PODXL: variants seen among roughly 807,000 people sequenced by gnomAD.
PODXL encodes podocalyxin.
A neutral mutation model predicts 48.9 loss-of-function variants in PODXL; 20 were observed. The ratio of observed to expected loss-of-function variants is 0.41; its 90% CI spans 0.29 to 0.59. The LOEUF is 0.59. Among genes scored for constraint, PODXL ranks in the 20% least tolerant of loss-of-function variants. The probability of loss-of-function intolerance (pLI) is 0.31; values close to 1 mark genes in which losing one functional copy is unlikely to be tolerated. For missense variants in PODXL, 606 were observed against 675.1 expected, an observed-to-expected ratio of 0.90 and a Z score of 1.13; for synonymous variants, 295 against 287.4, an observed-to-expected ratio of 1.03 and a Z score of -0.27.
chr7:131,510,822 A>T lies in PODXL; in HGVS notation c.706+6T>A. On this transcript the variant is annotated splice_donor_region_variant and intron_variant, in intron 2 of 8. Transcript: ENST00000378555. ...TGGTGCTTGAAGAAAACCAGGCATTACTTACGTAGGGTGGTGGTCATCCCC... is the reference window on the plus strand; with the variant it reads ...TGGTGCTTGAAGAAAACCAGGCATTTCTTACGTAGGGTGGTGGTCATCCCC... 1 of 1,614,048 alleles carries T rather than the reference A, an allele frequency of 6.2e-7. No individual in the cohort carries two copies. Among genetic ancestry groups the T allele is most frequent in the African/African-American group, 1.3e-5 (1 of 75,018 alleles).
chr7:131,520,322 A>C (rs1798071827), intron 1 of PODXL: 1 of 531,872 alleles, frequency 1.9e-6, no homozygotes, highest in Non-Finnish European at 3.7e-6. Context: ...AGATGTGCGC[A>C]TTGATACCAG....
rs982023652 is a variant in PODXL, at chr7:131,524,944, T to C, written c.101-13511A>G. Among the ~76,000 whole-genome samples the C allele has an allele frequency of 3.9e-5, 6 of 152,110 alleles. 1 individual carries two copies. The highest frequency in any genetic ancestry group is 3.9e-4 in the Admixed American group (6 of 15,272). On this transcript the variant is annotated intron_variant, in intron 1 of 8. Coordinates refer to ENST00000378555, the MANE Select transcript of PODXL (RefSeq NM_001018111.3). ...CTAGTGATTCATGTGACAATATAGA[T>C]AAGACTTAAATACATTTTGCTAAGT...
At chr7:131,510,213 C>T (rs1224242605) in intron 3 of PODXL, 23 bp downstream of exon 3, 5 of 446,750 alleles carry the variant, frequency 1.1e-5, no homozygotes, top group Non-Finnish European at 2.2e-5. Context: ...AAACAGGTAT[C>T]GGCCGGGCAT....
intron 1 of PODXL, among the ~76,000 whole-genome samples, chr7:131,514,657 G>C (rs1392845137): frequency 6.6e-6 from 1 of 151,998 alleles, no homozygotes; most frequent in Admixed American, 6.6e-5. Context: ...GCCCAAGCTG[G>C]AGTACAGTGG....
At chr7:131,504,586 C>T (rs2116774141) in intron 8 of PODXL, 78 bp from the exon 9 acceptor site, 2 of 1,192,614 alleles carry the variant, frequency 1.7e-6, no homozygotes, top group South Asian at 2.6e-5. Context: ...ACGTACCCCT[C>T]CCACTCAGGA....
Position 131,556,514 on chromosome 7 carries a change from G to T in PODXL, c.-155C>A. On this transcript the variant is annotated 5_prime_UTR_variant, in exon 1 of 9. Transcript: ENST00000378555. Reference sequence around the variant, plus strand: ...GGGGCTCCCGAGTCGCGCTGCGGCGGCTCTTCCTCCCTGCCGCTGCAGCAG... The same window carrying T: ...GGGGCTCCCGAGTCGCGCTGCGGCGTCTCTTCCTCCCTGCCGCTGCAGCAG... 1 of 899,098 alleles carries T rather than the reference G, an allele frequency of 1.1e-6. No homozygotes were observed. Among genetic ancestry groups the T allele is most frequent in the Non-Finnish European group, 1.5e-6 (1 of 683,414 alleles). The allele number at this position is 899,098 out of a possible 1,614,324, so 55.7% of individuals were successfully genotyped here.
chr7:131,515,051 C>T (rs963353731), intron 1 of PODXL, among the ~76,000 whole-genome samples: 6 of 152,172 alleles, frequency 3.9e-5, no homozygotes, highest in African/African-American at 1.4e-4. Flanking sequence ...GCATTCCTGG[C>T]CTCTGTCTAT....
At chr7:131,513,699 G>T (rs769508025) in intron 1 of PODXL, among the ~76,000 whole-genome samples, 1 of 152,166 alleles carries the variant, frequency 6.6e-6, no homozygotes, top group African/African-American at 2.4e-5. Flanking sequence ...ACTCATCCTG[G>T]GCCGCAGCGC....
At chr7:131,505,299 C>A (rs1312611699) in intron 8 of PODXL, among the ~76,000 whole-genome samples, 1 of 152,148 alleles carries the variant, frequency 6.6e-6, no homozygotes, top group African/African-American at 2.4e-5. Flanking sequence ...ACCTGATGCC[C>A]AAAGAGCTCA....
chr7:131,532,584 G>C, intron 1 of PODXL, among the ~76,000 whole-genome samples: 1 of 151,714 alleles, frequency 6.6e-6, no homozygotes, highest in East Asian at 1.9e-4. Context: ...GTGACTCCTG[G>C]GGTTGTGCTC....
chr7:131,525,426 CAAAAAAAAAAAAAA>C (rs57927217), intron 1 of PODXL, among the ~76,000 whole-genome samples: 19 of 59,248 alleles, frequency 3.2e-4, no homozygotes, highest in Non-Finnish European at 4.1e-4. Context: ...TCATCTCTAC[CAAAAAAAAAAAAAA>C]AAAAAAAAAA....
intron 1 of PODXL, among the ~76,000 whole-genome samples, chr7:131,551,262 A>C (rs931339401): frequency 2.7e-4 from 41 of 152,092 alleles, no homozygotes; most frequent in Admixed American, 2.4e-3. Flanking sequence ...AGAGAGGCCC[A>C]TCCAACTTAG....
chr7:131,539,030 C>T (rs956455850), intron 1 of PODXL, among the ~76,000 whole-genome samples: 2 of 152,208 alleles, frequency 1.3e-5, no homozygotes, highest in South Asian at 2.1e-4. Context: ...CAGGCGAGGA[C>T]GGGGACAGGG....
chr7:131,510,970 G>A lies in PODXL; in HGVS notation c.564C>T (p.Ser188=). The change falls in exon 2 of 9, where the codon AGC becomes AGT. Residue 188 remains serine (S), a synonymous_variant. Transcript: ENST00000378555. ...LTTPHPTSPL[S]PRQPTSTHPV... is the part of the protein sequence containing the mutation. ...GATGCGTCGAAGTGGGTTGTCGGGG[G>A]CTAAGTGGACTTGTAGGGTGAGGGG... 1 of 1,614,150 alleles carries A rather than the reference G, an allele frequency of 6.2e-7. No individual in the cohort carries two copies. Among genetic ancestry groups the A allele is most frequent in the Non-Finnish European group, 8.5e-7 (1 of 1,180,020 alleles).
rs1203744094 is a variant in PODXL, at chr7:131,532,292, C to T, written c.101-20859G>A. The stretch of plus-strand genomic sequence containing the variant: ...CTATTAAAAGTACAAAAAAATTAGC[C>T]GGGCATGGTGGCAGGTGCCTGTAGT... On this transcript the variant is annotated intron_variant, in intron 1 of 8. Coordinates refer to ENST00000378555, the MANE Select transcript of PODXL (RefSeq NM_001018111.3). Among the ~76,000 whole-genome samples the T allele has an allele frequency of 8.1e-5, 12 of 148,226 alleles. No individual in the cohort carries two copies. In the East Asian group the frequency reaches 1.4e-3, roughly 18 times the overall value.
At chr7:131,516,315 C>T (rs563562471) in intron 1 of PODXL, among the ~76,000 whole-genome samples, 9 of 152,252 alleles carry the variant, frequency 5.9e-5, no homozygotes, top group South Asian at 2.1e-4. Flanking sequence ...CTGAGGCAGG[C>T]GGATCACAAG....
At chr7:131,554,076 T>A (rs1798707802) in intron 1 of PODXL, among the ~76,000 whole-genome samples, 1 of 152,112 alleles carries the variant, frequency 6.6e-6, no homozygotes, top group South Asian at 2.1e-4. Context: ...GAGCTATAAA[T>A]CTTTCTTGCT....
At chr7:131,512,601 G>A (rs940164949) in intron 1 of PODXL, among the ~76,000 whole-genome samples, 1 of 152,124 alleles carries the variant, frequency 6.6e-6, no homozygotes, top group Non-Finnish European at 1.5e-5. Context: ...TCAGGTTCAG[G>A]GCTGAGAAAA....
At chr7:131,511,574 C>G in intron 1 of PODXL, 141 bp from the exon 2 acceptor site, 1 of 783,906 alleles carries the variant, frequency 1.3e-6, no homozygotes, top group South Asian at 1.8e-5. Context: ...TTGGTGAATC[C>G]AGAATTTTCG....
Sources: allele counts gnomAD v4.1 joint callset (sites outside exome capture counted in the v4.1 genomes callset), GRCh38; gene constraint gnomAD v4.1.1; transcripts MANE v1.5; gene names NCBI Gene and HGNC (gene_info 2026-07-23, HGNC 2026-07-21).